ANO4: variants seen among roughly 807,000 people sequenced by gnomAD.
ANO4 encodes the protein anoctamin 4.
ANO4 carries 69 observed loss-of-function variants against 141.9 expected under a neutral mutation model. That is an observed-to-expected ratio of 0.49 (90% CI 0.40 to 0.59). The LOEUF (loss-of-function observed/expected upper bound fraction) is 0.59, where lower values mean the gene tolerates loss of function less well. ANO4 is among the 20% of genes least tolerant of loss of function. The pLI is 0.00. For missense variants in ANO4, 894 were observed against 1,162.2 expected (o/e 0.77, Z 3.36); for synonymous variants, 350 against 394.3 (o/e 0.89, Z 1.33).
intron 1 of ANO4, among the ~76,000 whole-genome samples, chr12:100,835,551 A>G (rs2036867296): frequency 6.6e-6 from 1 of 152,152 alleles, no homozygotes; most frequent in Admixed American, 6.6e-5. Context: ...AGAGGTAAGC[A>G]TAATGTCTAT....
At chr12:100,751,943 G>A (rs1298339656) in intron 3 of ANO4, among the ~76,000 whole-genome samples, 2 of 152,152 alleles carry the variant, frequency 1.3e-5, no homozygotes, top group African/African-American at 2.4e-5. Flanking sequence ...GTTGGAATGT[G>A]GAATAGGAGA....
intron 1 of ANO4, among the ~76,000 whole-genome samples, chr12:100,848,706 G>T (rs1165340588): frequency 6.6e-6 from 1 of 152,118 alleles, no homozygotes; most frequent in Non-Finnish European, 1.5e-5. Flanking sequence ...CTGAGCCATG[G>T]TAACTACCTG....
intron 8 of ANO4, among the ~76,000 whole-genome samples, chr12:100,998,488 G>T (rs932850924): frequency 6.6e-6 from 1 of 151,796 alleles, no homozygotes; most frequent in African/African-American, 2.4e-5. Context: ...TGTCTTTGTT[G>T]TTTGAACTGT....
At chr12:101,092,390 T>C (rs1477733946) in intron 17 of ANO4, among the ~76,000 whole-genome samples, 4 of 152,214 alleles carry the variant, frequency 2.6e-5, no homozygotes, top group Admixed American at 2.6e-4. Context: ...ACAATGAGAA[T>C]TTGCAGCATC....
At chr12:100,966,795 G>GTA (rs1225125530) in intron 5 of ANO4, among the ~76,000 whole-genome samples, 4 of 147,816 alleles carry the variant, frequency 2.7e-5, no homozygotes, top group East Asian at 2.0e-4. Context: ...ACACACACAT[G>GTA]TATATATATA....
rs1233794374 is a variant in ANO4 at position 100,942,552 on chromosome 12, G to A, written c.456+17G>A. ...GAGAAAGAGGTAAATAGTTTGCTTG[G>A]ATGAGAAAAAAATATATACATATCT... On this transcript the variant is annotated intron_variant, in intron 5 of 27. Transcript: ENST00000392977. 6.2e-7 allele frequency: 1 copy of A among 1,605,920 alleles called. No individual in the cohort carries two copies. Among genetic ancestry groups the A allele is most frequent in the Admixed American group, 1.7e-5 (1 of 58,104 alleles).
chr12:100,887,814 A>G (rs1218795349), intron 1 of ANO4, among the ~76,000 whole-genome samples: 6 of 152,370 alleles, frequency 3.9e-5, no homozygotes, highest in East Asian at 1.9e-4. Flanking sequence ...GCCTACTTCT[A>G]TCTAGTTCAC....
At chr12:101,043,849 T>C (rs2047516324) in intron 13 of ANO4, among the ~76,000 whole-genome samples, 1 of 152,214 alleles carries the variant, frequency 6.6e-6, no homozygotes, top group Non-Finnish European at 1.5e-5. Flanking sequence ...TCCATGGAGC[T>C]GCAGCATGGC....
Position 101,110,424 on chromosome 12 carries a change from A to G in ANO4, c.2170A>G (p.Thr724Ala), listed in dbSNP as rs754615726. Reference sequence around the variant, plus strand: ...TCTAGTTCTTCAGTTTGGATTCACAACTATCTTTGTGGCAGCTTTTCCCCT... The same window carrying G: ...TCTAGTTCTTCAGTTTGGATTCACAGCTATCTTTGTGGCAGCTTTTCCCCT... ...LEMILQFGFT[T>A]IFVAAFPLAP... The change falls in exon 23 of 28, where the codon ACT (threonine) becomes GCT (alanine). Residue 724 changes from threonine (T) to alanine (A), a missense_variant. Thr to Ala is a moderately conservative substitution (Grantham distance 58, BLOSUM62 0). Around this residue, in one of 2 missense-constraint regions of ANO4, gnomAD observed 637 missense variants for 909.2 expected, o/e 0.70. Coordinates refer to ENST00000392977, the MANE Select transcript of ANO4 (RefSeq NM_001286615.2). 6.8e-6 allele frequency: 11 copies of G among 1,608,714 alleles called. 1 individual carries two copies. In the South Asian group the frequency reaches 1.0e-4, roughly 15 times the overall value.
At chr12:100,774,526 T>G (rs2135560316) in intron 3 of ANO4, among the ~76,000 whole-genome samples, 1 of 152,260 alleles carries the variant, frequency 6.6e-6, no homozygotes, top group East Asian at 1.9e-4. Flanking sequence ...TATTCCTTAG[T>G]GAGTAGAGGT....
chr12:100,759,776 A>G (rs1378578437), intron 3 of ANO4, among the ~76,000 whole-genome samples: 4 of 152,274 alleles, frequency 2.6e-5, no homozygotes, highest in African/African-American at 7.2e-5. Flanking sequence ...CCCAGTGTCT[A>G]TTGCTAACCT....
rs533959843 is a variant in ANO4, at chr12:100,794,939, G to C, written c.-229G>C. ...CTGGCCTCCTCCCGACTGGAGCCTG[G>C]AGGTTCACAGTGGATTTCTTTCTGC... On this transcript the variant is annotated 5_prime_UTR_variant, in exon 1 of 28. Transcript: ENST00000392977. 1.3e-5 allele frequency: 2 copies of C among 152,826 alleles called. 1 individual carries two copies. Among genetic ancestry groups the C allele is most frequent in the South Asian group, 4.1e-4 (2 of 4,828 alleles). The allele number at this position is 152,826 out of a possible 1,614,324, so 9.5% of individuals were successfully genotyped here. A position where few individuals can be genotyped will look rare whatever the true frequency, so the allele number is the denominator to read the frequency against.
At chr12:100,859,745 G>A (rs887312721) in intron 1 of ANO4, among the ~76,000 whole-genome samples, 38 of 152,132 alleles carry the variant, frequency 2.5e-4, no homozygotes, top group African/African-American at 8.5e-4. Flanking sequence ...CAGAGATAAG[G>A]TCTCGTTCTT....
chr12:100,997,497 G>T (rs189706085), intron 8 of ANO4, among the ~76,000 whole-genome samples: 6 of 151,536 alleles, frequency 4.0e-5, no homozygotes, highest in Non-Finnish European at 7.4e-5. Context: ...TAAAGCATTC[G>T]AGATGCATTA....
chr12:100,855,025 C>T (rs927747625), intron 1 of ANO4, among the ~76,000 whole-genome samples: 1 of 151,990 alleles, frequency 6.6e-6, no homozygotes, highest in Non-Finnish European at 1.5e-5. Flanking sequence ...CGCTTTATGG[C>T]CCAAACCCCT....
intron 8 of ANO4, among the ~76,000 whole-genome samples, chr12:100,989,551 GTGGATGGA>G (rs377197749): frequency 2.4e-4 from 34 of 144,642 alleles, no homozygotes; most frequent in East Asian, 4.2e-4. Context: ...GGGTGGGTGG[GTGGATGGA>G]TGGATGGATG....
intron 14 of ANO4, among the ~76,000 whole-genome samples, chr12:101,061,676 C>T (rs1277041584): frequency 6.6e-6 from 1 of 151,798 alleles, no homozygotes; most frequent in Non-Finnish European, 1.5e-5. Context: ...ATCGACTCGA[C>T]TATTGATACT....
chr12:100,726,274 G>A (rs2031114943), intron 1 of ANO4, among the ~76,000 whole-genome samples: 1 of 151,844 alleles, frequency 6.6e-6, no homozygotes, highest in African/African-American at 2.4e-5. Context: ...AGGCCCTTCT[G>A]CCTTGGGGCA....
intron 3 of ANO4, among the ~76,000 whole-genome samples, chr12:100,927,187 C>T (rs1161256039): frequency 2.6e-5 from 4 of 152,116 alleles, no homozygotes; most frequent in Non-Finnish European, 5.9e-5. Context: ...TTACAAAACT[C>T]CTAGGACCTT....
Sources: gnomAD v4.1 joint callset for allele counts (sites outside exome capture counted in the v4.1 genomes callset) on GRCh38, gnomAD v4.1.1 for gene constraint, gnomAD v4.1.1 regional missense constraint, MANE v1.5 for transcripts, NCBI Gene and HGNC (gene_info 2026-07-23, HGNC 2026-07-21) for gene names.